ESRRG: variants seen among roughly 807,000 people sequenced by gnomAD.
ESRRG encodes the protein estrogen related receptor gamma, also known as estrogen-related receptor gamma.
In ESRRG, 13 loss-of-function variants were observed where a neutral mutation model predicts 44.0. The observed-to-expected ratio is 0.30, with a 90% CI of 0.19 to 0.47. The LOEUF is 0.47. Ranked by LOEUF, ESRRG falls within the 20% of genes least tolerant of loss-of-function variation. The pLI, the probability that ESRRG is intolerant of heterozygous loss-of-function variation, is 1.00. For synonymous variants in ESRRG, 215 were observed against 214.6 expected, an observed-to-expected ratio of 1.00 and a Z score of -0.02; for missense variants, 395 against 580.6, an observed-to-expected ratio of 0.68 and a Z score of 3.29.
intron 5 of ESRRG, among the ~76,000 whole-genome samples, chr1:216,553,345 C>A (rs1033353397): frequency 6.6e-6 from 1 of 152,132 alleles, no homozygotes; most frequent in African/African-American, 2.4e-5. Context: ...TTTGGAGACA[C>A]CCCTAGTGTT....
intron 1 of ESRRG, among the ~76,000 whole-genome samples, chr1:216,943,813 G>A (rs186207401): frequency 3.9e-5 from 6 of 152,178 alleles, no homozygotes; most frequent in Admixed American, 3.9e-4. Context: ...CGTTATTCAT[G>A]GGGGTTTGAT....
intron 3 of ESRRG, among the ~76,000 whole-genome samples, chr1:216,625,564 A>G (rs913623293): frequency 1.3e-5 from 2 of 152,176 alleles, no homozygotes; most frequent in Middle Eastern, 3.2e-3. Flanking sequence ...TCTAGAGATG[A>G]TAACATAGGA....
chr1:216,877,587 A>G (rs547819404), intron 2 of ESRRG, among the ~76,000 whole-genome samples: 2 of 151,954 alleles, frequency 1.3e-5, no homozygotes, highest in South Asian at 2.1e-4. Flanking sequence ...TGTATTTTTT[A>G]GTAGAGACAG....
intron 5 of ESRRG, among the ~76,000 whole-genome samples, chr1:216,563,086 C>A (rs1179261188): frequency 6.6e-6 from 1 of 152,064 alleles, no homozygotes; most frequent in Non-Finnish European, 1.5e-5. Flanking sequence ...ACAAGCTCAC[C>A]TATTTAACTA....
At chr1:216,729,864 A>C (rs955464608) in intron 2 of ESRRG, among the ~76,000 whole-genome samples, 6 of 152,188 alleles carry the variant, frequency 3.9e-5, no homozygotes, top group Non-Finnish European at 8.8e-5. Context: ...CAGATATCCC[A>C]AAAACTCAAT....
At chr1:216,771,850 T>C (rs1301863345) in intron 2 of ESRRG, among the ~76,000 whole-genome samples, 1 of 141,572 alleles carries the variant, frequency 7.1e-6, no homozygotes, top group Non-Finnish European at 1.5e-5. Flanking sequence ...ACATAGCTAA[T>C]GAGGTAAAAA....
rs566130906 is a variant in ESRRG at position 217,115,810 on chromosome 1, A to C, written c.-230+21857T>G. 2.6e-5 allele frequency among the ~76,000 whole-genome samples: 4 copies of C among 151,858 alleles called. No individual in the cohort carries two copies. In the South Asian group the frequency reaches 8.3e-4, roughly 32 times the overall value. ...ACAGTTTCTTCTTGTCGATCTACCT[A>C]CTCATATTGCTCACTAAGTATCTCT... On this transcript the variant is annotated intron_variant, in intron 1 of 8. Transcript: ENST00000366940.
chr1:217,017,713 T>C (rs1426848219), intron 1 of ESRRG, among the ~76,000 whole-genome samples: 1 of 152,074 alleles, frequency 6.6e-6, no homozygotes, highest in Non-Finnish European at 1.5e-5. Context: ...ATAGGATTTC[T>C]GGAAAAAAAA....
intron 2 of ESRRG, among the ~76,000 whole-genome samples, chr1:216,934,430 T>C (rs2063811925): frequency 6.6e-6 from 1 of 152,014 alleles, no homozygotes; most frequent in Admixed American, 6.6e-5. Context: ...TGAGACTCCA[T>C]CTCAAAAATA....
chr1:216,873,958 A>C (rs1258538765), intron 2 of ESRRG, among the ~76,000 whole-genome samples: 1 of 34,524 alleles, frequency 2.9e-5, no homozygotes, highest in African/African-American at 9.6e-5. Flanking sequence ...GGAGTGGGGG[A>C]AGAGGGGAGG....
intron 1 of ESRRG, among the ~76,000 whole-genome samples, chr1:217,104,047 G>A (rs992322847): frequency 1.3e-5 from 2 of 152,162 alleles, no homozygotes; most frequent in Non-Finnish European, 2.9e-5. Context: ...ATAAAGATAC[G>A]TAACTATTCC....
At chr1:217,034,892 G>T (rs951265454) in intron 1 of ESRRG, among the ~76,000 whole-genome samples, 1 of 152,182 alleles carries the variant, frequency 6.6e-6, no homozygotes, top group African/African-American at 2.4e-5. Flanking sequence ...AGAGGGTCAA[G>T]ACCCAGGATT....
At chr1:216,606,140 C>T (rs1296865309) in intron 3 of ESRRG, among the ~76,000 whole-genome samples, 2 of 152,164 alleles carry the variant, frequency 1.3e-5, no homozygotes, top group Non-Finnish European at 2.9e-5. Context: ...CCACCCCCAA[C>T]CCCAACCACC....
chr1:216,856,157 G>C (rs1299805987), intron 2 of ESRRG, among the ~76,000 whole-genome samples: 3 of 149,656 alleles, frequency 2.0e-5, no homozygotes, highest in Admixed American at 6.7e-5. Flanking sequence ...TTTGTTTCTT[G>C]TGAAAAAAAA....
intron 1 of ESRRG, among the ~76,000 whole-genome samples, chr1:216,679,221 C>T (rs775668452): frequency 2.6e-4 from 39 of 152,174 alleles, no homozygotes; most frequent in Non-Finnish European, 4.7e-4. Context: ...ATATCCCCCT[C>T]GCCAGCCTGA....
At chr1:216,634,767 T>G (rs2064959224) in intron 3 of ESRRG, among the ~76,000 whole-genome samples, 1 of 152,030 alleles carries the variant, frequency 6.6e-6, no homozygotes, top group South Asian at 2.1e-4. Context: ...CAAAACAAAA[T>G]GGGAGGATGC....
chr1:216,625,527 C>T (rs2063047956), intron 3 of ESRRG, among the ~76,000 whole-genome samples: 1 of 151,628 alleles, frequency 6.6e-6, no homozygotes, highest in South Asian at 2.1e-4. Context: ...CATCATGCTT[C>T]CCTACACAAA....
intron 2 of ESRRG, among the ~76,000 whole-genome samples, chr1:216,742,151 C>T (rs1239101462): frequency 6.6e-6 from 1 of 152,186 alleles, no homozygotes; most frequent in Non-Finnish European, 1.5e-5. Flanking sequence ...TTCACGTAAC[C>T]TGAACACACC....
chr1:217,116,625 C>T (rs1213272952), intron 1 of ESRRG, among the ~76,000 whole-genome samples: 1 of 152,108 alleles, frequency 6.6e-6, no homozygotes, highest in African/African-American at 2.4e-5. Flanking sequence ...ACTGATGGGA[C>T]AGAAAATGAA....
Sources: allele counts gnomAD v4.1 joint callset (sites outside exome capture counted in the v4.1 genomes callset), GRCh38; gene constraint gnomAD v4.1.1; transcripts MANE v1.5; gene names NCBI Gene and HGNC (gene_info 2026-07-23, HGNC 2026-07-21).